NOS1: variants seen among roughly 807,000 people sequenced by gnomAD.
NOS1 encodes nitric oxide synthase 1.
NOS1 carries 51 observed loss-of-function variants against 164.5 expected under a neutral mutation model. That is an observed-to-expected ratio of 0.31 (90% CI 0.25 to 0.39). The LOEUF is 0.39. Ranked by LOEUF, NOS1 falls within the 10% of genes least tolerant of loss-of-function variation. NOS1 has a pLI of 1.00. For missense variants in NOS1, 1,362 were observed against 1,885.6 expected, an observed-to-expected ratio of 0.72 and a Z score of 5.14; for synonymous variants, 719 against 745.8, an observed-to-expected ratio of 0.96 and a Z score of 0.59.
chr12:117,337,544 A>T (rs1875895042), intron 1 of NOS1, among the ~76,000 whole-genome samples: 1 of 152,142 alleles, frequency 6.6e-6, no homozygotes, highest in East Asian at 1.9e-4. Flanking sequence ...CCATCCCTGG[A>T]TCTCCTCAAG....
rs34474757 is a variant in NOS1 at position 117,233,034 on chromosome 12, CTTTTTTTTTT to C, written c.3236-913_3236-904del. On this transcript the variant is annotated intron_variant, in intron 21 of 28. Coordinates refer to ENST00000317775, the MANE Select transcript of NOS1 (RefSeq NM_000620.5). The stretch of plus-strand genomic sequence containing the variant: ...AGACGTGTGCCATCATGCCTCACTA[CTTTTTTTTTT>C]TTTTTTTTTTTTGAGATGGAGTTTC... 1.2e-4 allele frequency among the ~76,000 whole-genome samples: 11 copies of C among 88,370 alleles called. No homozygotes were observed. In the South Asian group the frequency reaches 1.4e-3, roughly 11 times the overall value. The allele number at this position is 88,370 out of a possible 152,430, so 58.0% of individuals were successfully genotyped here. A position where few individuals can be genotyped will look rare whatever the true frequency, so the allele number is the denominator to read the frequency against.
intron 1 of NOS1, among the ~76,000 whole-genome samples, chr12:117,351,536 T>C (rs1485308698): frequency 1.3e-5 from 2 of 152,188 alleles, no homozygotes; most frequent in Non-Finnish European, 2.9e-5. Context: ...GCTTAGACCC[T>C]GACTGACAAA....
At chr12:117,344,823 T>C (rs896165047) in intron 1 of NOS1, among the ~76,000 whole-genome samples, 1 of 152,156 alleles carries the variant, frequency 6.6e-6, no homozygotes, top group Non-Finnish European at 1.5e-5. Context: ...ATGGCATTAA[T>C]ACAATTTTCC....
chr12:117,279,179 G>T, intron 8 of NOS1, among the ~76,000 whole-genome samples: 1 of 151,706 alleles, frequency 6.6e-6, no homozygotes, highest in East Asian at 1.9e-4. Flanking sequence ...GATATTGAGA[G>T]CATCCTGGCC....
intron 17 of NOS1, among the ~76,000 whole-genome samples, chr12:117,250,151 G>T (rs1870975786): frequency 6.6e-6 from 1 of 151,984 alleles, no homozygotes; most frequent in Non-Finnish European, 1.5e-5. Context: ...GTATGAACTT[G>T]GGGTGGGTCC....
chr12:117,334,782 T>C (rs1875726054), intron 1 of NOS1, among the ~76,000 whole-genome samples: 1 of 152,206 alleles, frequency 6.6e-6, no homozygotes, highest in Non-Finnish European at 1.5e-5. Flanking sequence ...CTATTTTTCA[T>C]CCTTGTCCTG....
chr12:117,223,506 C>T (rs991842766), intron 25 of NOS1, among the ~76,000 whole-genome samples: 3 of 151,866 alleles, frequency 2.0e-5, no homozygotes, highest in South Asian at 2.1e-4. Flanking sequence ...GTGATCTGCC[C>T]GCCTTGGCCT....
rs1394036930 is a variant in NOS1, at chr12:117,243,582, C to T, written c.2824-147G>A. 4 of 903,084 alleles carry T rather than the reference C, an allele frequency of 4.4e-6. No homozygotes were observed. The South Asian group carries it at 5.0e-5, about 11-fold the overall frequency. The allele number at this position is 903,084 out of a possible 1,614,324, so 55.9% of individuals were successfully genotyped here. On this transcript the variant is annotated intron_variant, in intron 18 of 28. Coordinates refer to ENST00000317775, the MANE Select transcript of NOS1 (RefSeq NM_000620.5). This position sits in a 1 kb window ranked among gnomAD's most constrained non-coding sequence, Gnocchi z 4.3. ...CCATCCATCCATCCATCCATCCATC[C>T]ATCCATCCAGTAACCCTTCCCTCCT... is the stretch of plus-strand genomic sequence containing the variant.
Position 117,243,335 on chromosome 12 carries a change from C to G in NOS1, c.2924G>C (p.Arg975Pro), listed in dbSNP as rs561693400. The G allele has an allele frequency of 6.2e-7, 1 of 1,614,014 alleles. No homozygotes were observed. Among genetic ancestry groups the G allele is most frequent in the Non-Finnish European group, 8.5e-7 (1 of 1,180,020 alleles). ...TGGAGCTTCGGCCACAAAGGTGAGGCGGAACTTGTTTCTCTTCCAGCTGCG... is the reference window on the plus strand; with the variant it reads ...TGGAGCTTCGGCCACAAAGGTGAGGGGGAACTTGTTTCTCTTCCAGCTGCG... ...NDRSWKRNKFRLTFVAEAPEL... is the reference protein window; with the variant it reads ...NDRSWKRNKFPLTFVAEAPEL... The change falls in exon 19 of 29, where the codon CGC becomes CCC. Residue 975 changes from arginine to proline, a missense_variant. Arg to Pro is a moderately radical substitution (Grantham distance 103). Coordinates refer to ENST00000317775, the MANE Select transcript of NOS1 (RefSeq NM_000620.5). This position sits in a 1 kb window ranked among gnomAD's most constrained non-coding sequence, Gnocchi z 4.3.
chr12:117,212,849 A>G lies in NOS1; in HGVS notation c.*2460T>C. ...GTCCTTGAGAGGTTACTCAACAGAG[A>G]GAGAGGCTTTTGGTATCAGGAATTC... On this transcript the variant is annotated 3_prime_UTR_variant, in exon 29 of 29. Transcript: ENST00000317775. 1.0e-6 allele frequency: 1 copy of G among 985,440 alleles called. No homozygotes were observed. Among genetic ancestry groups the G allele is most frequent in the Non-Finnish European group, 1.2e-6 (1 of 829,954 alleles). 61.0% of individuals were successfully genotyped at this position (985,440 alleles called of 1,614,324 possible).
Position 117,213,781 on chromosome 12 carries a change from GC to G in NOS1, c.*1527del. 1.0e-6 allele frequency: 1 copy of G among 985,386 alleles called. No homozygotes were observed. The highest frequency in any genetic ancestry group is 1.2e-6 in the Non-Finnish European group (1 of 829,930). 61.0% of individuals were successfully genotyped at this position (985,386 alleles called of 1,614,324 possible). On this transcript the variant is annotated 3_prime_UTR_variant, in exon 29 of 29. Transcript: ENST00000317775. ...CCTTGGGGACCCTGCAGTCTGGGAG[GC>G]CACTAGGATTTCTTGTCTCTTTCTG...
intron 17 of NOS1, among the ~76,000 whole-genome samples, chr12:117,248,353 C>G (rs1448833643): frequency 7.2e-5 from 11 of 151,836 alleles, no homozygotes; most frequent in African/African-American, 1.9e-4. Context: ...CCTCTCCCCC[C>G]ACCCCACAAC....
intron 9 of NOS1, among the ~76,000 whole-genome samples, chr12:117,273,628 T>C (rs1013010090): frequency 2.6e-5 from 4 of 152,128 alleles, no homozygotes; most frequent in Non-Finnish European, 5.9e-5. Flanking sequence ...AAAAACCCAA[T>C]AATTAGGATC....
intron 1 of NOS1, among the ~76,000 whole-genome samples, chr12:117,341,725 G>A (rs1019683087): frequency 9.9e-5 from 15 of 152,148 alleles, no homozygotes; most frequent in Admixed American, 3.9e-4. Flanking sequence ...TGAATTTGGA[G>A]CTAGAAAAAC....
chr12:117,240,016 A>AC (rs1319693807), intron 20 of NOS1, among the ~76,000 whole-genome samples: 1 of 152,132 alleles, frequency 6.6e-6, no homozygotes, highest in Non-Finnish European at 1.5e-5. Flanking sequence ...TAGTATCAAA[A>AC]CATTTGCAAG....
chr12:117,259,179 G>T, intron 14 of NOS1, 49 bp from the exon 15 acceptor site: 1 of 1,302,528 alleles, frequency 7.7e-7, no homozygotes, highest in Non-Finnish European at 1.1e-6. Context: ...AGAAGGGGAT[G>T]AGGAGAGAAA....
In NOS1 at chr12:117,209,261, T is replaced by G; in HGVS notation, c.*6048A>C. The stretch of plus-strand genomic sequence containing the variant: ...CATTGGGCAATGTCTGATGACATAC[T>G]TGATTGTTACCGTTGGCAGGACACT... On this transcript the variant is annotated 3_prime_UTR_variant, in exon 29 of 29. Transcript: ENST00000317775. The G allele has an allele frequency of 7.2e-6, 7 of 976,786 alleles. No individual in the cohort carries two copies. The South Asian group carries it at 2.8e-4, about 40-fold the overall frequency. 60.5% of individuals were successfully genotyped at this position (976,786 alleles called of 1,614,324 possible).
chr12:117,257,059 C>T (rs562918803), intron 16 of NOS1, among the ~76,000 whole-genome samples: 106 of 152,066 alleles, frequency 7.0e-4, no homozygotes, highest in African/African-American at 2.4e-3. Context: ...GTGATAACAG[C>T]GAAACTTCAT....
In NOS1 at chr12:117,311,722, G is replaced by A. The variant is rs549948793; in HGVS notation, c.726-130C>T. ...CACATAACTCCATATGAGCCAGCGA[G>A]CTTTGGGTACCCATCCTGCTGCTTC... On this transcript the variant is annotated intron_variant, in intron 2 of 28. Coordinates refer to ENST00000317775, the MANE Select transcript of NOS1 (RefSeq NM_000620.5). The A allele has an allele frequency of 3.1e-4, 303 of 980,892 alleles. No homozygotes were observed. The South Asian group carries it at 3.7e-3, about 12-fold the overall frequency. 60.8% of individuals were successfully genotyped at this position (980,892 alleles called of 1,614,324 possible).
Sources: gnomAD v4.1 joint callset for allele counts (sites outside exome capture counted in the v4.1 genomes callset) on GRCh38, gnomAD v4.1.1 for gene constraint, Gnocchi (gnomAD v3.1) non-coding constraint, MANE v1.5 for transcripts, NCBI Gene and HGNC (gene_info 2026-07-23, HGNC 2026-07-21) for gene names.